The following HYDIN variants were observed in gnomAD, a reference collection of about 807,000 sequenced individuals.
HYDIN encodes the protein HYDIN axonemal central pair apparatus protein.
In HYDIN, 132 loss-of-function variants were observed where a neutral mutation model predicts 403.9. The observed-to-expected ratio is 0.33, with a 90% confidence interval of 0.28 to 0.38. The LOEUF (loss-of-function observed/expected upper bound fraction) is 0.38, where lower values mean the gene tolerates loss of function less well. Among genes scored for constraint, HYDIN ranks in the 10% least tolerant of loss-of-function variants. The probability of loss-of-function intolerance (pLI) is 1.00; values close to 1 mark genes in which losing one functional copy is unlikely to be tolerated. For missense variants in HYDIN, 2,827 were observed against 5,009.5 expected (o/e 0.56, Z 13.15); for synonymous variants, 1,202 against 1,891.7 (o/e 0.64, Z 9.46).
chr16:71,211,411 C>A (rs2088581242), intron 1 of HYDIN, among the ~76,000 whole-genome samples: 1 of 150,868 alleles, frequency 6.6e-6, no homozygotes, highest in East Asian at 2.0e-4. Flanking sequence ...GAGGCCAAGG[C>A]GGGCGGATCA....
At chr16:71,215,781 TA>T (rs11450762) in intron 1 of HYDIN, among the ~76,000 whole-genome samples, 18 of 144,142 alleles carry the variant, frequency 1.2e-4, no homozygotes, top group East Asian at 4.0e-4. Context: ...AAAACAATAT[TA>T]AAAAAAAAAA....
intron 23 of HYDIN, among the ~76,000 whole-genome samples, chr16:71,004,943 G>T (rs912196552): frequency 1.1e-4 from 16 of 152,066 alleles, no homozygotes; most frequent in African/African-American, 3.6e-4. Flanking sequence ...GTTTTGGCAA[G>T]TTGTATTTTT....
intron 23 of HYDIN, among the ~76,000 whole-genome samples, chr16:71,017,134 G>A (rs929198710): frequency 2.6e-5 from 4 of 151,184 alleles, no homozygotes; most frequent in Admixed American, 2.0e-4. Context: ...GAGGTCAAGA[G>A]TTCGAGACCA....
intron 10 of HYDIN, chr16:71,114,132 T>C (rs1319840582): frequency 1.3e-5 from 2 of 151,830 alleles, no homozygotes; most frequent in Non-Finnish European, 2.9e-5. Flanking sequence ...GCAAAGTTAG[T>C]TTTCTCCCCT....
chr16:71,020,618 G>A (rs934739703), intron 21 of HYDIN, among the ~76,000 whole-genome samples: 7 of 152,090 alleles, frequency 4.6e-5, no homozygotes, highest in African/African-American at 1.7e-4. Flanking sequence ...AGACCAGCCT[G>A]GCCAACATGG....
chr16:70,923,103 C>T (rs932382598), intron 45 of HYDIN, among the ~76,000 whole-genome samples: 13 of 150,166 alleles, frequency 8.7e-5, no homozygotes, highest in African/African-American at 2.9e-4. Flanking sequence ...AAAAGAAAAA[C>T]GATTGAAAAT....
At chr16:71,049,031 A>T (rs1269796685) in intron 18 of HYDIN, among the ~76,000 whole-genome samples, 1 of 152,282 alleles carries the variant, frequency 6.6e-6, no homozygotes, top group African/African-American at 2.4e-5. Context: ...CCTTACATAG[A>T]AAAAGAGGCG....
intron 75 of HYDIN, among the ~76,000 whole-genome samples, chr16:70,846,254 T>C (rs201614384): frequency 0.063 from 9,127 of 145,562 alleles, 324 homozygotes; most frequent in East Asian, 0.12. Context: ...TTTGTTCTCG[T>C]TGGTTTCAAA....
chr16:70,875,898 T>C (rs2040414888), intron 62 of HYDIN, among the ~76,000 whole-genome samples: 1 of 152,194 alleles, frequency 6.6e-6, no homozygotes, highest in East Asian at 1.9e-4. Context: ...AGGAATTCAC[T>C]GAACTAGATG....
intron 4 of HYDIN, among the ~76,000 whole-genome samples, chr16:71,177,829 TG>T (rs2086732401): frequency 6.6e-6 from 1 of 152,238 alleles, no homozygotes; most frequent in Non-Finnish European, 1.5e-5. Flanking sequence ...CTTTCATTAT[TG>T]TTAAGTGTCA....
intron 1 of HYDIN, among the ~76,000 whole-genome samples, chr16:71,213,810 A>G (rs1477522000): frequency 6.6e-6 from 1 of 152,160 alleles, no homozygotes; most frequent in Non-Finnish European, 1.5e-5. Context: ...TACAATGTAT[A>G]AAAATCTACA....
chr16:71,130,330 C>T (rs751222773), intron 8 of HYDIN, among the ~76,000 whole-genome samples: 3 of 152,102 alleles, frequency 2.0e-5, no homozygotes, highest in Non-Finnish European at 4.4e-5. Context: ...TTTGGCAGTT[C>T]CCTGATTCCT....
At chr16:71,222,806 G>A (rs940539779) in intron 1 of HYDIN, among the ~76,000 whole-genome samples, 9 of 152,026 alleles carry the variant, frequency 5.9e-5, no homozygotes, top group African/African-American at 1.4e-4. Context: ...ACCTCTACGC[G>A]GAAAACTAAA....
intron 18 of HYDIN, among the ~76,000 whole-genome samples, chr16:71,054,996 G>A (rs2081826283): frequency 6.6e-6 from 1 of 152,280 alleles, no homozygotes; most frequent in Non-Finnish European, 1.5e-5. Flanking sequence ...ATAAAATGAA[G>A]TACATACAGT....
At chr16:71,086,973 G>T (rs1034291366) in intron 12 of HYDIN, among the ~76,000 whole-genome samples, 2 of 150,340 alleles carry the variant, frequency 1.3e-5, no homozygotes, top group African/African-American at 4.9e-5. Context: ...CCATGGGCTG[G>T]GATAAGCACG....
intron 75 of HYDIN, among the ~76,000 whole-genome samples, chr16:70,847,089 C>T (rs1316331287): frequency 1.5e-4 from 22 of 150,604 alleles, no homozygotes; most frequent in East Asian, 2.0e-4. Flanking sequence ...GTCATTATGA[C>T]GTTAGCTGGT....
Position 70,955,452 on chromosome 16 carries a change from T to C in HYDIN, c.6239A>G (p.Asn2080Ser). ...IVLEAVANSN[N>S]IPGIRARELC... ...CTCACGGGCCCGGATCCCTGGGATGTTGTTGCTGTTGGCCACAGCTTCCAG... is the reference window on the plus strand; with the variant it reads ...CTCACGGGCCCGGATCCCTGGGATGCTGTTGCTGTTGGCCACAGCTTCCAG... Residue 2080 changes from asparagine to serine, a missense_variant, in exon 40 of 86, where the codon AAC (asparagine) becomes AGC (serine). Physicochemically the swap from Asn to Ser is conservative, Grantham distance 46. Coordinates refer to ENST00000393567, the MANE Select transcript of HYDIN (RefSeq NM_001270974.2). 3 of 1,614,050 alleles carry C rather than the reference T, an allele frequency of 1.9e-6. No individual in the cohort carries two copies. The highest frequency in any genetic ancestry group is 2.5e-6 in the Non-Finnish European group (3 of 1,179,962).
At chr16:70,901,789 T>A (rs2076387092) in intron 52 of HYDIN, among the ~76,000 whole-genome samples, 1 of 152,148 alleles carries the variant, frequency 6.6e-6, no homozygotes, top group South Asian at 2.1e-4. Context: ...TTTCACTGTG[T>A]TAGCCAGGCT....
intron 5 of HYDIN, among the ~76,000 whole-genome samples, chr16:71,162,949 G>T (rs374207904): frequency 2.6e-4 from 40 of 152,340 alleles, no homozygotes; most frequent in Admixed American, 1.8e-3. Flanking sequence ...CCTACAGCTG[G>T]TAGAGAAGCT....
Sources: allele counts gnomAD v4.1 joint callset (sites outside exome capture counted in the v4.1 genomes callset), GRCh38; gene constraint gnomAD v4.1.1; transcripts MANE v1.5; gene names NCBI Gene and HGNC (gene_info 2026-07-23, HGNC 2026-07-21).